Variants in PIBF1 observed in about 807,000 individuals in gnomAD.
PIBF1 encodes the protein progesterone-induced-blocking factor 1.
In PIBF1, 90 loss-of-function variants were observed where a neutral mutation model predicts 112.5. That is an observed-to-expected ratio of 0.80 (90% CI 0.67 to 0.95). The LOEUF (loss-of-function observed/expected upper bound fraction) is 0.95. Ranked by LOEUF, PIBF1 falls within the 40% of genes least tolerant of loss-of-function variation. The probability of loss-of-function intolerance (pLI) is 0.00; values close to 1 mark genes in which losing one functional copy is unlikely to be tolerated. For synonymous variants in PIBF1, 301 were observed against 288.6 expected, an observed-to-expected ratio of 1.04 and a Z score of -0.44; for missense variants, 915 against 852.3, an observed-to-expected ratio of 1.07 and a Z score of -0.92.
Position 72,797,995 on chromosome 13 carries a change from C to G in PIBF1, c.641C>G (p.Thr214Arg). The G allele has an allele frequency of 6.2e-7, 1 of 1,604,836 alleles. No individual in the cohort carries two copies. The highest frequency in any genetic ancestry group is 8.5e-7 in the Non-Finnish European group (1 of 1,176,648). ...KKNILAEELS[T>R]NKNQLKQLTE... Reference sequence around the variant, plus strand: ...AATATCCTAGCAGAAGAATTAAGTACAAACAAAAACCAACTGAAGCAGCTG... The same window carrying G: ...AATATCCTAGCAGAAGAATTAAGTAGAAACAAAAACCAACTGAAGCAGCTG... Residue 214 changes from threonine (T) to arginine (R), a missense_variant, in exon 5 of 18, where the codon ACA becomes AGA. Physicochemically the swap from Thr to Arg is moderately conservative, Grantham distance 71. Transcript: ENST00000326291.
chr13:72,950,784 C>G (rs1189428230), intron 14 of PIBF1, among the ~76,000 whole-genome samples: 1 of 152,138 alleles, frequency 6.6e-6, no homozygotes, highest in Admixed American at 6.5e-5. Flanking sequence ...CTTTGGTGCT[C>G]ATACTGGAGT....
chr13:72,821,785 C>T (rs2036566183), intron 5 of PIBF1, 64 bp from the exon 6 acceptor site: 5 of 1,259,428 alleles, frequency 4.0e-6, no homozygotes, highest in Non-Finnish European at 5.5e-6. Flanking sequence ...GACTTCAATA[C>T]AGAATTTGGG....
chr13:72,821,927 AAACAG>A lies in PIBF1; in HGVS notation c.752_756del (p.Lys251IlefsTer6). 1.9e-6 allele frequency: 3 copies of A among 1,612,964 alleles called. No individual in the cohort carries two copies. The South Asian group carries it at 3.3e-5, about 18-fold the overall frequency. ...TTTGGCCTTAGAATTAGCAGACACAAAACAGTTAATTCAGCAAGGTGACTACCGTC... is the reference window on the plus strand; with the variant it reads ...TTTGGCCTTAGAATTAGCAGACACAATTAATTCAGCAAGGTGACTACCGTC... On this transcript the variant is annotated frameshift_variant, in exon 6 of 18. Coordinates refer to ENST00000326291, the MANE Select transcript of PIBF1 (RefSeq NM_006346.4). LOFTEE classifies it high-confidence loss of function.
intron 10 of PIBF1, among the ~76,000 whole-genome samples, chr13:72,884,999 GT>G (rs2138518462): frequency 6.6e-6 from 1 of 152,032 alleles, no homozygotes; most frequent in South Asian, 2.1e-4. Context: ...TTACATTCTT[GT>G]AGGTAGGCTA....
chr13:72,823,262 C>T (rs1443664655), intron 6 of PIBF1, among the ~76,000 whole-genome samples: 1 of 152,022 alleles, frequency 6.6e-6, no homozygotes, highest in Non-Finnish European at 1.5e-5. Context: ...CCATCGGGGC[C>T]ACGGATGATC....
At chr13:72,909,281 A>C (rs2040815560) in intron 12 of PIBF1, among the ~76,000 whole-genome samples, 1 of 152,170 alleles carries the variant, frequency 6.6e-6, no homozygotes, top group South Asian at 2.1e-4. Context: ...GGGGATTAGG[A>C]GTTCATGGAA....
At chr13:72,909,880 T>A (rs2040838326) in intron 12 of PIBF1, among the ~76,000 whole-genome samples, 1 of 152,208 alleles carries the variant, frequency 6.6e-6, no homozygotes, top group Non-Finnish European at 1.5e-5. Context: ...TCCTTTTTTC[T>A]TGTTTTCCCC....
intron 17 of PIBF1, among the ~76,000 whole-genome samples, chr13:73,003,202 A>G (rs1403786743): frequency 6.6e-6 from 1 of 152,028 alleles, no homozygotes; most frequent in Admixed American, 6.6e-5. Flanking sequence ...TATGAACGAC[A>G]TGATTCCCTA....
chr13:72,900,474 C>G (rs186274095), intron 11 of PIBF1, among the ~76,000 whole-genome samples: 142 of 152,208 alleles, frequency 9.3e-4, no homozygotes, highest in African/African-American at 3.3e-3. Context: ...TGACCTTTGA[C>G]AAAGCAAACA....
intron 14 of PIBF1, among the ~76,000 whole-genome samples, chr13:72,935,984 TC>T (rs2138792981): frequency 6.6e-6 from 1 of 151,866 alleles, no homozygotes; most frequent in East Asian, 1.9e-4. Context: ...CTGTGGCTTA[TC>T]TTTTCACCTC....
At chr13:72,788,049 C>T (rs2034696696) in intron 2 of PIBF1, among the ~76,000 whole-genome samples, 9 of 152,154 alleles carry the variant, frequency 5.9e-5, no homozygotes, top group Admixed American at 5.2e-4. Flanking sequence ...GCTTATTGAG[C>T]ATCGTATGCT....
At chr13:72,798,865 A>G (rs963920929) in intron 5 of PIBF1, among the ~76,000 whole-genome samples, 5 of 152,168 alleles carry the variant, frequency 3.3e-5, no homozygotes, top group South Asian at 2.1e-4. Context: ...CTTGTTCGTG[A>G]TATGAGATGG....
At chr13:72,951,726 C>A (rs141984772) in intron 14 of PIBF1, among the ~76,000 whole-genome samples, 160 of 152,224 alleles carry the variant, frequency 1.1e-3, no homozygotes, top group Non-Finnish European at 1.9e-3. Context: ...TGCATAATGA[C>A]ATGTGTCTGT....
At chr13:72,964,804 C>T (rs1378717680) in intron 14 of PIBF1, among the ~76,000 whole-genome samples, 1 of 152,126 alleles carries the variant, frequency 6.6e-6, no homozygotes. Context: ...GGCTCACACC[C>T]GTAGTCCCCG....
chr13:72,904,912 G>A (rs1228823309), intron 11 of PIBF1, among the ~76,000 whole-genome samples: 1 of 151,894 alleles, frequency 6.6e-6, no homozygotes, highest in African/African-American at 2.4e-5. Flanking sequence ...ATAAAGGGGG[G>A]TTGTTAACTA....
intron 10 of PIBF1, among the ~76,000 whole-genome samples, chr13:72,870,783 C>G (rs2039127714): frequency 6.7e-6 from 1 of 149,408 alleles, no homozygotes; most frequent in Non-Finnish European, 1.5e-5. Flanking sequence ...GAAGACTATT[C>G]CAAAAATTTT....
At chr13:72,835,075 A>G (rs771623886) in intron 8 of PIBF1, among the ~76,000 whole-genome samples, 168 bp from the exon 9 acceptor site, 3 of 152,138 alleles carry the variant, frequency 2.0e-5, no homozygotes, top group Non-Finnish European at 4.4e-5. Flanking sequence ...ACTAGTTAGG[A>G]ACAGTATTTT....
chr13:72,862,620 TATAC>T (rs56293305), intron 10 of PIBF1, among the ~76,000 whole-genome samples: 31,411 of 152,046 alleles, frequency 0.21, 3,294 homozygotes, highest in Middle Eastern at 0.27. Flanking sequence ...AATCAGAAAA[TATAC>T]AAATAACAAT....
chr13:72,893,699 A>G, intron 10 of PIBF1, 85 bp from the exon 11 acceptor site: 1 of 751,048 alleles, frequency 1.3e-6, no homozygotes, highest in Non-Finnish European at 2.0e-6. Context: ...ATGGGGGAGT[A>G]GAAAACATAG....
Sources: allele counts gnomAD v4.1 joint callset (sites outside exome capture counted in the v4.1 genomes callset), GRCh38; gene constraint gnomAD v4.1.1; transcripts MANE v1.5; gene names NCBI Gene and HGNC (gene_info 2026-07-23, HGNC 2026-07-21).